The following ATP6V0E1 variants were observed in gnomAD, a reference collection of about 807,000 sequenced individuals.
ATP6V0E1 encodes V-type proton ATPase subunit e 1.
Under a neutral mutation model 11.6 loss-of-function variants are expected in ATP6V0E1, and 4 were observed. The observed-to-expected ratio is 0.35, with a 90% confidence interval of 0.17 to 0.79. The LOEUF is 0.79. Ranked by LOEUF, ATP6V0E1 falls within the 30% of genes least tolerant of loss-of-function variation. The pLI is 0.54. For missense variants in ATP6V0E1, 105 were observed against 100.0 expected (o/e 1.05, Z -0.21); for synonymous variants, 36 against 34.8 (o/e 1.04, Z -0.13).
At chr5:172,986,654 A>G (rs183802477) in intron 1 of ATP6V0E1, 85 of 433,772 alleles carry the variant, frequency 2.0e-4, no homozygotes, top group African/African-American at 1.6e-3. Flanking sequence ...CCAGTGTCAG[A>G]GTCTGGGGAA....
At chr5:173,010,337 AGAG>A (rs1377149536) in intron 2 of ATP6V0E1, among the ~76,000 whole-genome samples, 2 of 152,238 alleles carry the variant, frequency 1.3e-5, no homozygotes, top group African/African-American at 4.8e-5. Flanking sequence ...TTACAGAGAA[AGAG>A]AAGAAATAAC....
chr5:173,033,608 G>A (rs889032035), intron 3 of ATP6V0E1, among the ~76,000 whole-genome samples: 2 of 152,062 alleles, frequency 1.3e-5, no homozygotes, highest in Admixed American at 1.3e-4. Flanking sequence ...TTTGGGAGGC[G>A]AGGATGGGCA....
chr5:173,012,859 T>C (rs977369379), intron 2 of ATP6V0E1, among the ~76,000 whole-genome samples: 5 of 151,800 alleles, frequency 3.3e-5, no homozygotes, highest in Admixed American at 6.6e-5. Context: ...GGCAAAAGTT[T>C]TATGACTAAG....
At chr5:173,031,025 A>G (rs887979667) in intron 3 of ATP6V0E1, among the ~76,000 whole-genome samples, 2 of 151,660 alleles carry the variant, frequency 1.3e-5, no homozygotes, top group African/African-American at 4.9e-5. Context: ...GCTCACCGCA[A>G]TCTCTGCCTC....
rs187792758 is a variant in ATP6V0E1, at chr5:173,031,021, C to T, written c.*37-3378C>T. On this transcript the variant is annotated intron_variant, in intron 3 of 3. Transcript: ENST00000519374. ...GTGCAGTGGTGCGATCTCCGCTCAC[C>T]GCAATCTCTGCCTCCCGGGTTCATG... Among the ~76,000 whole-genome samples, 985 of 151,542 alleles carry T rather than the reference C, an allele frequency of 6.5e-3. 14 individuals carry two copies. The highest frequency in any genetic ancestry group is 0.022 in the African/African-American group (921 of 41,200).
Position 173,027,204 on chromosome 5 carries a change from A to AT in ATP6V0E1, c.*36+6838dup, listed in dbSNP as rs1554119995. 2.4e-3 allele frequency among the ~76,000 whole-genome samples: 238 copies of AT among 99,168 alleles called. 6 individuals carry two copies. The highest frequency in any genetic ancestry group is 8.9e-3 in the African/African-American group (221 of 24,820). The allele number at this position is 99,168 out of a possible 152,430, so 65.1% of individuals were successfully genotyped here. ...AAAAAAAAAAAAAAAAAAAAAAAAAATAGCCGGGCACGGTGGCTCACGCCT... is the reference window on the plus strand; with the variant it reads ...AAAAAAAAAAAAAAAAAAAAAAAAAATTAGCCGGGCACGGTGGCTCACGCCT... On this transcript the variant is annotated intron_variant, in intron 3 of 3. Coordinates refer to ENST00000519374, the MANE Select transcript of ATP6V0E1 (RefSeq NM_003945.4).
chr5:173,000,409 G>C (rs1016305956), intron 2 of ATP6V0E1, among the ~76,000 whole-genome samples: 2 of 152,032 alleles, frequency 1.3e-5, no homozygotes, highest in African/African-American at 4.8e-5. Context: ...TTATATTGTT[G>C]TTTACTCAGA....
chr5:172,996,790 AAG>A (rs1756073918), intron 2 of ATP6V0E1, among the ~76,000 whole-genome samples: 1 of 152,188 alleles, frequency 6.6e-6, no homozygotes, highest in Non-Finnish European at 1.5e-5. Flanking sequence ...AAGGTGATGA[AAG>A]AGGGATTCTA....
At chr5:173,027,264 G>A (rs1756577197) in intron 3 of ATP6V0E1, among the ~76,000 whole-genome samples, 1 of 147,834 alleles carries the variant, frequency 6.8e-6, no homozygotes, top group South Asian at 2.1e-4. Flanking sequence ...GAGGCGGGTG[G>A]ATCACGAGAT....
At chr5:173,008,006 G>T (rs890280642) in intron 2 of ATP6V0E1, among the ~76,000 whole-genome samples, 1 of 152,192 alleles carries the variant, frequency 6.6e-6, no homozygotes, top group African/African-American at 2.4e-5. Flanking sequence ...GATCAAAGAG[G>T]TACCACGTTC....
intron 1 of ATP6V0E1, among the ~76,000 whole-genome samples, chr5:172,994,527 G>A (rs1348561867): frequency 6.6e-6 from 1 of 152,090 alleles, no homozygotes. Flanking sequence ...AGATAAATTT[G>A]GATTGGACAG....
chr5:172,985,289 C>A (rs1262892789), intron 1 of ATP6V0E1, among the ~76,000 whole-genome samples: 1 of 151,774 alleles, frequency 6.6e-6, no homozygotes, highest in Non-Finnish European at 1.5e-5. Context: ...TACTACTTCC[C>A]TAATATTTTG....
intron 3 of ATP6V0E1, among the ~76,000 whole-genome samples, chr5:173,033,560 G>A (rs1756697468): frequency 6.6e-6 from 1 of 151,964 alleles, no homozygotes; most frequent in Non-Finnish European, 1.5e-5. Context: ...AATATAGTCT[G>A]TTTAGGGCAT....
In ATP6V0E1 at chr5:173,020,385, C is replaced by G; in HGVS notation, c.*36+18C>G. On this transcript the variant is annotated intron_variant, in intron 3 of 3. Transcript: ENST00000519374. ...TCTTTGAGGTGACTATGCTTGTGAC[C>G]TTTCTTATCAGTATGGTCAGGCAGT... 7.0e-7 allele frequency: 1 copy of G among 1,419,792 alleles called. No individual in the cohort carries two copies. 87.9% of individuals were successfully genotyped at this position (1,419,792 alleles called of 1,614,324 possible). A position where few individuals can be genotyped will look rare whatever the true frequency, so the allele number is the denominator to read the frequency against.
In ATP6V0E1 at chr5:173,019,532, C is replaced by T. The variant is rs539942066; in HGVS notation, c.153-706C>T. Among the ~76,000 whole-genome samples the T allele has an allele frequency of 1.2e-3, 182 of 148,704 alleles. 2 individuals carry two copies. The highest frequency in any genetic ancestry group is 2.1e-3 in the Non-Finnish European group (141 of 67,482). The stretch of plus-strand genomic sequence containing the variant: ...TTGCACCACTGCAGTCTGGACTGGG[C>T]GAAAGAGCGAGACTCCATCTCAAAA... On this transcript the variant is annotated intron_variant, in intron 2 of 3. Coordinates refer to ENST00000519374, the MANE Select transcript of ATP6V0E1 (RefSeq NM_003945.4).
At chr5:172,998,270 A>G (rs1011041377) in intron 2 of ATP6V0E1, among the ~76,000 whole-genome samples, 1 of 147,126 alleles carries the variant, frequency 6.8e-6, no homozygotes, top group Non-Finnish European at 1.5e-5. Flanking sequence ...AGTGGAACAC[A>G]GGTTGCATGT....
chr5:172,985,530 G>A (rs1326703533), intron 1 of ATP6V0E1, among the ~76,000 whole-genome samples: 1 of 152,150 alleles, frequency 6.6e-6, no homozygotes, highest in Non-Finnish European at 1.5e-5. Context: ...AATTAGACTT[G>A]TTTTTCCTAC....
At chr5:173,001,220 A>G (rs1282951252) in intron 2 of ATP6V0E1, among the ~76,000 whole-genome samples, 1 of 152,146 alleles carries the variant, frequency 6.6e-6, no homozygotes, top group Non-Finnish European at 1.5e-5. Flanking sequence ...GTGAATAAAC[A>G]AAGTAGACAA....
intron 3 of ATP6V0E1, among the ~76,000 whole-genome samples, chr5:173,031,621 A>T (rs1436501578): frequency 1.3e-5 from 2 of 151,028 alleles, no homozygotes; most frequent in East Asian, 4.0e-4. Flanking sequence ...GATTGAGACC[A>T]CCCTGGCTAA....
Sources: allele counts gnomAD v4.1 joint callset (sites outside exome capture counted in the v4.1 genomes callset), GRCh38; gene constraint gnomAD v4.1.1; transcripts MANE v1.5; gene names NCBI Gene and HGNC (gene_info 2026-07-23, HGNC 2026-07-21).